SINHCAF: variants seen among roughly 807,000 people sequenced by gnomAD.
SINHCAF encodes SIN3-HDAC complex-associated factor.
Under a neutral mutation model 25.8 loss-of-function variants are expected in SINHCAF, and 3 were observed. That is an observed-to-expected ratio of 0.12 (90% confidence interval 0.05 to 0.30). The LOEUF (loss-of-function observed/expected upper bound fraction) is 0.30, where lower values mean the gene tolerates loss of function less well. Ranked by LOEUF, SINHCAF falls within the 10% of genes least tolerant of loss-of-function variation. SINHCAF has a pLI of 1.00. For missense variants in SINHCAF, 121 were observed against 262.3 expected (o/e 0.46, Z 3.72); for synonymous variants, 70 against 85.5 (o/e 0.82, Z 1.00).
At chr12:31,307,171 T>A (rs551033174) in intron 1 of SINHCAF, among the ~76,000 whole-genome samples, 6 of 152,160 alleles carry the variant, frequency 3.9e-5, no homozygotes, top group Non-Finnish European at 8.8e-5. Flanking sequence ...CATATTTCAG[T>A]ATTTGGGAAA....
At chr12:31,321,552 G>A (rs2137140943) in intron 1 of SINHCAF, among the ~76,000 whole-genome samples, 1 of 152,174 alleles carries the variant, frequency 6.6e-6, no homozygotes. Context: ...CATGTCACTG[G>A]CTTAATTACA....
chr12:31,286,120 T>C (rs1938053995), intron 5 of SINHCAF, among the ~76,000 whole-genome samples: 1 of 152,206 alleles, frequency 6.6e-6, no homozygotes. Flanking sequence ...TTCTGTATAA[T>C]GCTGAATAGA....
chr12:31,286,662 CAAAAAAA>C (rs999169211), intron 5 of SINHCAF, among the ~76,000 whole-genome samples: 9 of 55,218 alleles, frequency 1.6e-4, no homozygotes, highest in East Asian at 5.4e-4. Flanking sequence ...AACTCCGTCT[CAAAAAAA>C]AAAAAAAAAA....
Position 31,282,160 on chromosome 12 carries a change from C to T in SINHCAF, c.*552G>A, listed in dbSNP as rs560323170. 15 of 152,464 alleles carry T rather than the reference C, an allele frequency of 9.8e-5. No homozygotes were observed. Among genetic ancestry groups the T allele is most frequent in the African/African-American group, 3.6e-4 (15 of 41,478 alleles). 9.4% of individuals were successfully genotyped at this position (152,464 alleles called of 1,614,324 possible). On this transcript the variant is annotated 3_prime_UTR_variant, in exon 6 of 6. Transcript: ENST00000337682. ...GTTTATCATACAACAAATCCCATCT[C>T]TGTCCCCTGAAATTCCCCTAGTTTC... is the stretch of plus-strand genomic sequence containing the variant.
At chr12:31,311,482 G>A (rs188295990) in intron 1 of SINHCAF, 4 of 183,336 alleles carry the variant, frequency 2.2e-5, no homozygotes, top group South Asian at 1.3e-4. Context: ...TTTGGCCTTC[G>A]ACTAGGGTTG....
intron 1 of SINHCAF, among the ~76,000 whole-genome samples, chr12:31,322,315 C>G (rs1939726629): frequency 6.6e-6 from 1 of 152,198 alleles, no homozygotes; most frequent in Non-Finnish European, 1.5e-5. Flanking sequence ...CATAACTTAG[C>G]TATGAAATAC....
chr12:31,285,418 T>TACATACAC (rs1555110959), intron 5 of SINHCAF, among the ~76,000 whole-genome samples: 2 of 141,444 alleles, frequency 1.4e-5, no homozygotes, highest in Non-Finnish European at 1.5e-5. Flanking sequence ...TATATATACA[T>TACATACAC]ACACACACAC....
intron 1 of SINHCAF, among the ~76,000 whole-genome samples, chr12:31,317,125 A>T (rs1939524521): frequency 1.3e-5 from 2 of 152,178 alleles, no homozygotes; most frequent in African/African-American, 4.8e-5. Flanking sequence ...CACTGGGTGG[A>T]CTAGATGGAA....
At chr12:31,322,287 G>A (rs894630694) in intron 1 of SINHCAF, among the ~76,000 whole-genome samples, 4 of 152,094 alleles carry the variant, frequency 2.6e-5, no homozygotes, top group Admixed American at 6.6e-5. Context: ...AAATCTGCTA[G>A]GAAATGGAAA....
At position 31,324,066 on chromosome 12, in the gene SINHCAF, A is replaced by C. The variant is rs1464300710; in HGVS notation, c.-21+1958T>G. 2 of 454,024 alleles carry C rather than the reference A, an allele frequency of 4.4e-6. No homozygotes were observed. Among genetic ancestry groups the C allele is most frequent in the Non-Finnish European group, 8.8e-6 (2 of 226,706 alleles). 28.1% of individuals were successfully genotyped at this position (454,024 alleles called of 1,614,324 possible). A position where few individuals can be genotyped will look rare whatever the true frequency, so the allele number is the denominator to read the frequency against. ...AATAAGACATCTCGCGTCGGGAGGA[A>C]AGTTCCTGCGGGGGCCGCTCGCCGG... On this transcript the variant is annotated intron_variant, in intron 1 of 5. Transcript: ENST00000337682. This position sits in a 1 kb window ranked among gnomAD's most constrained non-coding sequence, Gnocchi z 5.5.
intron 1 of SINHCAF, among the ~76,000 whole-genome samples, chr12:31,310,859 T>C (rs77571697): frequency 0.011 from 1,729 of 151,998 alleles, 18 homozygotes; most frequent in East Asian, 0.036. Flanking sequence ...GATTTTAATC[T>C]AATCTACGAT....
chr12:31,320,745 G>C (rs1463781555), intron 1 of SINHCAF, among the ~76,000 whole-genome samples: 1 of 151,812 alleles, frequency 6.6e-6, no homozygotes, highest in Admixed American at 6.6e-5. Flanking sequence ...TTTAACATTT[G>C]GTCTATAGAC....
intron 1 of SINHCAF, among the ~76,000 whole-genome samples, chr12:31,301,582 A>G (rs1266483647): frequency 6.6e-6 from 1 of 152,150 alleles, no homozygotes; most frequent in Non-Finnish European, 1.5e-5. Flanking sequence ...CCTCACACTT[A>G]AGAGGCACCT....
chr12:31,316,096 G>T (rs1939485459), intron 1 of SINHCAF, among the ~76,000 whole-genome samples: 1 of 152,058 alleles, frequency 6.6e-6, no homozygotes. Context: ...CTTGAACCCG[G>T]GAGGCAGAGT....
At chr12:31,289,276 T>C (rs994806855) in intron 4 of SINHCAF, among the ~76,000 whole-genome samples, 2 of 152,138 alleles carry the variant, frequency 1.3e-5, no homozygotes, top group African/African-American at 4.8e-5. Context: ...CTTGTGAAAT[T>C]TGGCGAGACA....
chr12:31,292,225 G>T (rs1938357618), intron 4 of SINHCAF, among the ~76,000 whole-genome samples: 2 of 152,146 alleles, frequency 1.3e-5, no homozygotes, highest in Non-Finnish European at 2.9e-5. Context: ...TGAGGACTGG[G>T]TGTGATGGTT....
At chr12:31,316,060 C>G (rs1373819987) in intron 1 of SINHCAF, among the ~76,000 whole-genome samples, 1 of 152,060 alleles carries the variant, frequency 6.6e-6, no homozygotes, top group African/African-American at 2.4e-5. Context: ...ATCTCAGCTA[C>G]TCAGGAGGCT....
chr12:31,318,149 A>G (rs1939561273), intron 1 of SINHCAF, among the ~76,000 whole-genome samples: 1 of 152,212 alleles, frequency 6.6e-6, no homozygotes, highest in African/African-American at 2.4e-5. Flanking sequence ...CACTTTTCAC[A>G]AACGGTCAAC....
chr12:31,325,375 AAAC>A lies in SINHCAF; in HGVS notation c.-21+646_-21+648del. On this transcript the variant is annotated intron_variant, in intron 1 of 5. Coordinates refer to ENST00000337682, the MANE Select transcript of SINHCAF (RefSeq NM_001135812.2). This position sits in a 1 kb window ranked among gnomAD's most constrained non-coding sequence, Gnocchi z 5.9. ...CATCCGCATCCCTCCGGAGTTGAGC[AAAC>A]AACGCCACGCCGCGTGCGCTCCGGC... 1 of 382,420 alleles carries A rather than the reference AAAC, an allele frequency of 2.6e-6. No individual in the cohort carries two copies. The highest frequency in any genetic ancestry group is 5.3e-6 in the Non-Finnish European group (1 of 190,424). The allele number at this position is 382,420 out of a possible 1,614,324, so 23.7% of individuals were successfully genotyped here.
Sources: gnomAD v4.1 joint callset for allele counts (sites outside exome capture counted in the v4.1 genomes callset) on GRCh38, gnomAD v4.1.1 for gene constraint, Gnocchi (gnomAD v3.1) non-coding constraint, MANE v1.5 for transcripts, NCBI Gene and HGNC (gene_info 2026-07-23, HGNC 2026-07-21) for gene names.